Variants in COMMD8 observed in about 807,000 individuals in gnomAD.
The protein encoded by COMMD8 is COMM domain containing 8.
COMMD8 carries 28 observed loss-of-function variants against 27.2 expected under a neutral mutation model. The observed-to-expected ratio is 1.03, with a 90% CI of 0.76 to 1.41. COMMD8 has a LOEUF of 1.41. COMMD8 is among the 40% of genes most tolerant of loss of function. The pLI, the probability that COMMD8 is intolerant of heterozygous loss-of-function variation, is 0.00. For synonymous variants in COMMD8, 79 were observed against 75.5 expected, an observed-to-expected ratio of 1.05 and a Z score of -0.24; for missense variants, 217 against 211.2, an observed-to-expected ratio of 1.03 and a Z score of -0.17.
At chr4:47,460,430 C>T in intron 1 of COMMD8, 131 bp from the exon 2 acceptor site, 1 of 687,658 alleles carries the variant, frequency 1.5e-6, no homozygotes. Flanking sequence ...AATGTATAAA[C>T]CACTTTTAAG....
chr4:47,457,921 C>G (rs1042252252), intron 2 of COMMD8, among the ~76,000 whole-genome samples: 6 of 150,152 alleles, frequency 4.0e-5, no homozygotes, highest in Admixed American at 2.6e-4. Context: ...CAATCCAAAT[C>G]AAGAGATATA....
At position 47,451,088 on chromosome 4, in the gene COMMD8, G is replaced by C. The variant is rs1729740038; in HGVS notation, c.*557C>G. The stretch of plus-strand genomic sequence containing the variant: ...CTGTTCACATAAGTTTAGAGTATTT[G>C]TTCTTGTTTATCTCTGACAAAGAGG... On this transcript the variant is annotated 3_prime_UTR_variant, in exon 5 of 5. Transcript: ENST00000381571. 1 of 152,170 alleles carries C rather than the reference G, an allele frequency of 6.6e-6. No individual in the cohort carries two copies. Among genetic ancestry groups the C allele is most frequent in the African/African-American group, 2.4e-5 (1 of 41,422 alleles). 9.4% of individuals were successfully genotyped at this position (152,170 alleles called of 1,614,324 possible).
Position 47,456,557 on chromosome 4 carries a change from ACATACT to A in COMMD8, c.375+14_375+19del, listed in dbSNP as rs1484688856. Reference sequence around the variant, plus strand: ...ATCCAAAAAATGAAATAAAAAATACACATACTCATAGACTCTTACCTTTACCTGCCA... The same window carrying A: ...ATCCAAAAAATGAAATAAAAAATACACATAGACTCTTACCTTTACCTGCCA... On this transcript the variant is annotated intron_variant, in intron 3 of 4. Coordinates refer to ENST00000381571, the MANE Select transcript of COMMD8 (RefSeq NM_017845.5). The A allele has an allele frequency of 1.3e-6, 2 of 1,530,106 alleles. No homozygotes were observed. The highest frequency in any genetic ancestry group is 1.7e-6 in the Non-Finnish European group (2 of 1,144,556). 94.8% of individuals were successfully genotyped at this position (1,530,106 alleles called of 1,614,324 possible). A position where few individuals can be genotyped will look rare whatever the true frequency, so the allele number is the denominator to read the frequency against.
chr4:47,455,342 T>A (rs529213192), intron 3 of COMMD8, among the ~76,000 whole-genome samples: 69 of 152,202 alleles, frequency 4.5e-4, no homozygotes, highest in African/African-American at 1.5e-3. Flanking sequence ...TTTATAAAAA[T>A]ATAAACTCTG....
chr4:47,462,130 A>G (rs928299860), intron 1 of COMMD8, among the ~76,000 whole-genome samples: 1 of 152,186 alleles, frequency 6.6e-6, no homozygotes, highest in Non-Finnish European at 1.5e-5. Context: ...CTAGACTTCA[A>G]TCTGTGCTCA....
chr4:47,451,741 A>C (rs1729758622), intron 4 of COMMD8, 76 bp from the exon 5 acceptor site: 3 of 1,156,166 alleles, frequency 2.6e-6, no homozygotes, highest in Admixed American at 5.4e-5. Context: ...AAATGCTTTG[A>C]AGTCTCTGAA....
chr4:47,457,092 T>C (rs1729915151), intron 2 of COMMD8, among the ~76,000 whole-genome samples: 2 of 152,186 alleles, frequency 1.3e-5, no homozygotes, highest in Non-Finnish European at 2.9e-5. Context: ...TTTCAGATTT[T>C]TTGAGTAGGG....
intron 3 of COMMD8, among the ~76,000 whole-genome samples, chr4:47,453,560 G>A (rs1401360463): frequency 6.6e-6 from 1 of 152,154 alleles, no homozygotes; most frequent in African/African-American, 2.4e-5. Flanking sequence ...CCAAGAAGAT[G>A]AAAGTTCATG....
In COMMD8 at chr4:47,451,086, T is replaced by G. The variant is rs1729739854; in HGVS notation, c.*559A>C. On this transcript the variant is annotated 3_prime_UTR_variant, in exon 5 of 5. Transcript: ENST00000381571. ...AACTGTTCACATAAGTTTAGAGTAT[T>G]TGTTCTTGTTTATCTCTGACAAAGA... 1 of 152,364 alleles carries G rather than the reference T, an allele frequency of 6.6e-6. No homozygotes were observed. The highest frequency in any genetic ancestry group is 2.1e-4 in the South Asian group (1 of 4,840). The allele number at this position is 152,364 out of a possible 1,614,324, so 9.4% of individuals were successfully genotyped here.
chr4:47,462,592 G>A (rs1730088200), intron 1 of COMMD8, among the ~76,000 whole-genome samples: 1 of 152,128 alleles, frequency 6.6e-6, no homozygotes, highest in Admixed American at 6.5e-5. Context: ...TGGACCTAAA[G>A]ATTTAGAAGT....
rs556581093 is a variant in COMMD8, at chr4:47,458,891, A to G, written c.222+1253T>C. ...CAAATATAGGGCCACTTGATTTACA[A>G]TAAAGGCAGCACAGCAATATTGTGG... On this transcript the variant is annotated intron_variant, in intron 2 of 4. Coordinates refer to ENST00000381571, the MANE Select transcript of COMMD8 (RefSeq NM_017845.5). Among the ~76,000 whole-genome samples, 3 of 152,234 alleles carry G rather than the reference A, an allele frequency of 2.0e-5. No homozygotes were observed. In the South Asian group the frequency reaches 6.2e-4, roughly 31 times the overall value.
At chr4:47,452,112 A>T (rs1032056194) in intron 4 of COMMD8, among the ~76,000 whole-genome samples, 4 of 152,258 alleles carry the variant, frequency 2.6e-5, no homozygotes, top group Non-Finnish European at 4.4e-5. Flanking sequence ...ATGCTGAGCA[A>T]TAACGAAGAA....
Position 47,453,163 on chromosome 4 carries a change from G to A in COMMD8, c.427C>T (p.Leu143=), listed in dbSNP as rs757950367. The change falls in exon 4 of 5, where the codon CTG becomes TTG. Residue 143 remains leucine, a synonymous_variant. Transcript: ENST00000381571. ...CCATTTTCTTTTACATCTAGATGCAGGCTTAAAAGTGGCATTCGTAATGCA... is the reference window on the plus strand; with the variant it reads ...CCATTTTCTTTTACATCTAGATGCAAGCTTAAAAGTGGCATTCGTAATGCA... ...IAALRMPLLS[L]HLDVKENGEV... 2 of 1,613,940 alleles carry A rather than the reference G, an allele frequency of 1.2e-6. No homozygotes were observed. The highest frequency in any genetic ancestry group is 1.1e-5 in the South Asian group (1 of 91,084).
At chr4:47,460,323 T>C (rs1330431556) in intron 1 of COMMD8, 24 bp from the exon 2 acceptor site, 1 of 1,597,252 alleles carries the variant, frequency 6.3e-7, no homozygotes, top group Non-Finnish European at 8.5e-7. Context: ...AGGAAATAAA[T>C]GTACTTATAA....
intron 4 of COMMD8, among the ~76,000 whole-genome samples, chr4:47,452,662 C>A (rs995941412): frequency 2.0e-5 from 3 of 152,138 alleles, no homozygotes; most frequent in African/African-American, 7.2e-5. Context: ...GGAGAAAAAA[C>A]ACTAAAAGTG....
Position 47,456,298 on chromosome 4 carries a change from A to ATATG in COMMD8, c.375+275_375+278dup, listed in dbSNP as rs1196408921. Among the ~76,000 whole-genome samples, 798 of 130,974 alleles carry ATATG rather than the reference A, an allele frequency of 6.1e-3. 6 individuals carry two copies. The highest frequency in any genetic ancestry group is 0.023 in the African/African-American group (780 of 33,954). The allele number at this position is 130,974 out of a possible 152,430, so 85.9% of individuals were successfully genotyped here. ...TATATATATATATATATATATATAT[A>ATATG]TATGTATATGTTGACTATATGCTGC... On this transcript the variant is annotated intron_variant, in intron 3 of 4. Transcript: ENST00000381571.
At position 47,463,692 on chromosome 4, in the gene COMMD8, G is replaced by A; in HGVS notation, c.-41C>T. ...GGGCTTGGGTCACGTGTCAAGGCTG[G>A]CCGCTTGTCTAAAGCTACGACTCGC... On this transcript the variant is annotated 5_prime_UTR_variant, in exon 1 of 5. Coordinates refer to ENST00000381571, the MANE Select transcript of COMMD8 (RefSeq NM_017845.5). 1 of 1,521,652 alleles carries A rather than the reference G, an allele frequency of 6.6e-7. No homozygotes were observed. The highest frequency in any genetic ancestry group is 8.8e-7 in the Non-Finnish European group (1 of 1,130,262). The allele number at this position is 1,521,652 out of a possible 1,614,324, so 94.3% of individuals were successfully genotyped here.
chr4:47,453,008 A>T, intron 4 of COMMD8, 51 bp downstream of exon 4: 1 of 1,513,574 alleles, frequency 6.6e-7, no homozygotes, highest in Non-Finnish European at 8.9e-7. Context: ...AACAAAAAAA[A>T]ACCCCAAAAC....
intron 1 of COMMD8, among the ~76,000 whole-genome samples, chr4:47,461,414 G>A (rs1578175528): frequency 6.6e-6 from 1 of 151,920 alleles, no homozygotes; most frequent in African/African-American, 2.4e-5. Flanking sequence ...TCCAAATGGT[G>A]GCTAATATAC....
Sources: allele counts gnomAD v4.1 joint callset (sites outside exome capture counted in the v4.1 genomes callset), GRCh38; gene constraint gnomAD v4.1.1; transcripts MANE v1.5; gene names NCBI Gene and HGNC (gene_info 2026-07-23, HGNC 2026-07-21).